The following ADGB variants were observed in gnomAD, a reference collection of about 807,000 sequenced individuals.
The protein encoded by ADGB is calpain-7-like protein.
Under a neutral mutation model 210.5 loss-of-function variants are expected in ADGB, and 172 were observed. That is an observed-to-expected ratio of 0.82 (90% CI 0.72 to 0.93). ADGB has a LOEUF of 0.93. Ranked by LOEUF, ADGB falls within the 40% of genes least tolerant of loss-of-function variation. The probability of loss-of-function intolerance (pLI) is 0.00; values close to 1 mark genes in which losing one functional copy is unlikely to be tolerated. For missense variants in ADGB, 2,025 were observed against 1,964.8 expected (o/e 1.03, Z -0.58); for synonymous variants, 658 against 662.7 (o/e 0.99, Z 0.11).
intron 1 of ADGB, among the ~76,000 whole-genome samples, chr6:146,633,117 C>T (rs567584878): frequency 1.2e-3 from 183 of 152,088 alleles, no homozygotes; most frequent in Admixed American, 5.0e-3. Flanking sequence ...TATTTATCAG[C>T]GCACTGCTGC....
At chr6:146,731,357 C>T (rs376021466) in intron 20 of ADGB, among the ~76,000 whole-genome samples, 1 of 143,622 alleles carries the variant, frequency 7.0e-6, no homozygotes, top group African/African-American at 2.5e-5. Flanking sequence ...CACCATATGA[C>T]AAAAAAAAAA....
At chr6:146,769,234 A>T (rs11752064) in intron 29 of ADGB, 103 bp downstream of exon 29, 1 of 576,778 alleles carries the variant, frequency 1.7e-6, no homozygotes. Flanking sequence ...TCATTGTATG[A>T]TGTTTTATTA....
intron 27 of ADGB, among the ~76,000 whole-genome samples, chr6:146,757,594 A>G (rs906441379): frequency 2.0e-5 from 3 of 151,952 alleles, no homozygotes; most frequent in Non-Finnish European, 4.4e-5. Context: ...CCAGCCTTCC[A>G]TGAATAGTAA....
intron 1 of ADGB, among the ~76,000 whole-genome samples, chr6:146,614,199 C>T (rs1317684175): frequency 1.4e-4 from 14 of 100,884 alleles, no homozygotes; most frequent in South Asian, 7.1e-4. Flanking sequence ...CTCCCTCCCT[C>T]CCTTCCTCCC....
intron 33 of ADGB, among the ~76,000 whole-genome samples, chr6:146,799,786 G>A (rs986362895): frequency 6.6e-6 from 1 of 151,986 alleles, no homozygotes; most frequent in Non-Finnish European, 1.5e-5. Flanking sequence ...ACTGTGAAAC[G>A]TAAAACTGTT....
At chr6:146,632,278 CT>C (rs1781076986) in intron 1 of ADGB, among the ~76,000 whole-genome samples, 1 of 152,160 alleles carries the variant, frequency 6.6e-6, no homozygotes, top group Admixed American at 6.5e-5. Context: ...CTTGTGGCCA[CT>C]TTTGTCTATC....
intron 26 of ADGB, among the ~76,000 whole-genome samples, chr6:146,750,878 G>T (rs1476907315): frequency 1.3e-5 from 2 of 152,172 alleles, no homozygotes; most frequent in Non-Finnish European, 2.9e-5. Flanking sequence ...TGCCAGGAGT[G>T]CTTTTTGTGT....
chr6:146,797,505 G>A (rs775970023), intron 33 of ADGB, among the ~76,000 whole-genome samples: 1 of 151,086 alleles, frequency 6.6e-6, no homozygotes, highest in South Asian at 2.1e-4. Context: ...AGAAAATGTG[G>A]TATATATATA....
chr6:146,803,443 G>C, intron 35 of ADGB: 1 of 1,607,334 alleles, frequency 6.2e-7, no homozygotes, highest in South Asian at 1.1e-5. Flanking sequence ...CCTTCCAGGG[G>C]GCTGTTTTTT....
chr6:146,667,599 T>G (rs186435649), intron 7 of ADGB, among the ~76,000 whole-genome samples: 1 of 152,186 alleles, frequency 6.6e-6, no homozygotes, highest in African/African-American at 2.4e-5. Flanking sequence ...TACTATGAAT[T>G]TAATCTTTAA....
chr6:146,815,182 G>C lies in ADGB; in HGVS notation c.4969G>C (p.Asp1657His). ...LETEKMTPAPDTQKKKKGKKK is the reference protein window; with the variant it reads ...LETEKMTPAPHTQKKKKGKKK Reference sequence around the variant, plus strand: ...GACAGAAAAGATGACCCCAGCTCCTGACACACAGAAAAAAAAGAAAGGAAA... The same window carrying C: ...GACAGAAAAGATGACCCCAGCTCCTCACACACAGAAAAAAAAGAAAGGAAA... Residue 1657 changes from aspartate to histidine, a missense_variant, in exon 36 of 36, where the codon GAC becomes CAC. By Grantham distance (81) the Asp-to-His change is moderately conservative. Coordinates refer to ENST00000397944, the MANE Select transcript of ADGB (RefSeq NM_024694.4). 1 of 1,509,222 alleles carries C rather than the reference G, an allele frequency of 6.6e-7. No individual in the cohort carries two copies. 93.5% of individuals were successfully genotyped at this position (1,509,222 alleles called of 1,614,324 possible).
rs151147908 is a variant in ADGB at position 146,685,442 on chromosome 6, T to C, written c.1217-292T>C. On this transcript the variant is annotated intron_variant, in intron 9 of 35. Transcript: ENST00000397944. ...ACATTCTCATTTGTGGACCATTCTA[T>C]GTTGCACTGACGAATAACTAGAGTA... Among the ~76,000 whole-genome samples, 4 of 152,184 alleles carry C rather than the reference T, an allele frequency of 2.6e-5. No individual in the cohort carries two copies. In the East Asian group the frequency reaches 5.8e-4, roughly 22 times the overall value.
Position 146,770,696 on chromosome 6 carries a change from T to C in ADGB, c.3862+1565T>C. ...CAGGCTCAACGAGAAAGTTTTGTGA[T>C]GTTTTATCAATATTCCACGTAGACA... is the stretch of plus-strand genomic sequence containing the variant. On this transcript the variant is annotated intron_variant, in intron 29 of 35. Transcript: ENST00000397944. 3 of 423,484 alleles carry C rather than the reference T, an allele frequency of 7.1e-6. 1 individual carries two copies. The highest frequency in any genetic ancestry group is 5.0e-5 in the South Asian group (3 of 60,438). The allele number at this position is 423,484 out of a possible 1,614,324, so 26.2% of individuals were successfully genotyped here. A position where few individuals can be genotyped will look rare whatever the true frequency, so the allele number is the denominator to read the frequency against.
intron 35 of ADGB, among the ~76,000 whole-genome samples, chr6:146,809,215 C>A (rs1245890699): frequency 6.6e-6 from 1 of 152,090 alleles, no homozygotes; most frequent in African/African-American, 2.4e-5. Context: ...AGTTTTTGTC[C>A]CAACACTCAG....
intron 5 of ADGB, among the ~76,000 whole-genome samples, chr6:146,663,699 T>G (rs1176774103): frequency 6.6e-6 from 1 of 152,108 alleles, no homozygotes; most frequent in Non-Finnish European, 1.5e-5. Context: ...TCTGGCTTAT[T>G]TCTCTGTGGT....
In ADGB at chr6:146,741,287, A is replaced by G; in HGVS notation, c.3177+16A>G. 6.5e-7 allele frequency: 1 copy of G among 1,549,866 alleles called. No homozygotes were observed. The highest frequency in any genetic ancestry group is 1.4e-5 in the African/African-American group (1 of 73,096). Reference sequence around the variant, plus strand: ...CAAGAATAAGGTAGGTATAAAATTTATTCTCCACATATGATAGAATGGCAG... The same window carrying G: ...CAAGAATAAGGTAGGTATAAAATTTGTTCTCCACATATGATAGAATGGCAG... On this transcript the variant is annotated intron_variant, in intron 25 of 35. Transcript: ENST00000397944.
At chr6:146,765,145 G>A (rs771757830) in intron 28 of ADGB, among the ~76,000 whole-genome samples, 3 of 151,896 alleles carry the variant, frequency 2.0e-5, no homozygotes, top group Non-Finnish European at 2.9e-5. Context: ...AAAATAAAAG[G>A]TAGAATAAAT....
At chr6:146,639,072 T>A (rs1401241068) in intron 2 of ADGB, 2 of 156,298 alleles carry the variant, frequency 1.3e-5, no homozygotes, top group Non-Finnish European at 2.9e-5. Context: ...AGGTGTGGCA[T>A]CACCAGAACA....
chr6:146,808,834 T>C (rs4573104), intron 35 of ADGB, among the ~76,000 whole-genome samples: 1,517 of 148,052 alleles, frequency 0.01, 24 homozygotes, highest in African/African-American at 0.037. Flanking sequence ...AGTTTCACTC[T>C]TGTTGGGGTG....
Sources: gnomAD v4.1 joint callset for allele counts (sites outside exome capture counted in the v4.1 genomes callset) on GRCh38, gnomAD v4.1.1 for gene constraint, MANE v1.5 for transcripts, NCBI Gene and HGNC (gene_info 2026-07-23, HGNC 2026-07-21) for gene names.